The following TBCK variants were observed in gnomAD, a reference collection of about 807,000 sequenced individuals.
TBCK encodes TBC domain-containing protein kinase-like protein.
Under a neutral mutation model 113.4 loss-of-function variants are expected in TBCK, and 99 were observed. The ratio of observed to expected loss-of-function variants is 0.87; its 90% CI spans 0.74 to 1.03. TBCK has a LOEUF of 1.03. Ranked by LOEUF, TBCK falls within the 50% of genes least tolerant of loss-of-function variation. TBCK has a pLI of 0.00. For missense variants in TBCK, 1,045 were observed against 1,061.3 expected, an observed-to-expected ratio of 0.98 and a Z score of 0.21; for synonymous variants, 369 against 370.8, an observed-to-expected ratio of 1.00 and a Z score of 0.05.
At chr4:106,130,969 A>G (rs931679169) in intron 23 of TBCK, among the ~76,000 whole-genome samples, 1 of 152,182 alleles carries the variant, frequency 6.6e-6, no homozygotes, top group Non-Finnish European at 1.5e-5. Context: ...TATTATCTTT[A>G]AATTCAGATT....
intron 25 of TBCK, among the ~76,000 whole-genome samples, chr4:106,062,328 A>C (rs553666730): frequency 1.1e-4 from 16 of 151,880 alleles, no homozygotes; most frequent in Non-Finnish European, 2.1e-4. Flanking sequence ...TCTTCTGATA[A>C]AATTCCATCA....
chr4:106,062,778 G>T (rs1485932554), intron 25 of TBCK, among the ~76,000 whole-genome samples: 1 of 151,870 alleles, frequency 6.6e-6, no homozygotes, highest in Admixed American at 6.6e-5. Flanking sequence ...GAGTGCCAAA[G>T]ATCACAAGAT....
In TBCK at chr4:106,235,293, G is replaced by C. The variant is rs760189355; in HGVS notation, c.1425C>G (p.Thr475=). 1 of 1,609,370 alleles carries C rather than the reference G, an allele frequency of 6.2e-7. No homozygotes were observed. Among genetic ancestry groups the C allele is most frequent in the Non-Finnish European group, 8.5e-7 (1 of 1,177,902 alleles). ...CCTCAACTCCCAGAAGAGCAGCCCA[G>C]GTTAAACCTCTCATAAGAGGAGGAA... ...VDIPPLMRGL[T]WAALLGVEGA... Residue 475 remains threonine, a synonymous_variant, in exon 15 of 26, where the codon ACC becomes ACG. Transcript: ENST00000394708.
intron 24 of TBCK, among the ~76,000 whole-genome samples, chr4:106,115,159 A>C (rs1743342658): frequency 6.6e-6 from 1 of 152,238 alleles, no homozygotes; most frequent in African/African-American, 2.4e-5. Context: ...AAATATTAAC[A>C]TGAAAACTTA....
chr4:106,181,246 T>G (rs532198588), intron 22 of TBCK, among the ~76,000 whole-genome samples: 43 of 152,334 alleles, frequency 2.8e-4, no homozygotes, highest in South Asian at 8.3e-4. Context: ...TTGTTTAAGT[T>G]CTTTATAGAT....
intron 23 of TBCK, among the ~76,000 whole-genome samples, chr4:106,130,018 A>T (rs1406609423): frequency 6.6e-6 from 1 of 152,166 alleles, no homozygotes; most frequent in Non-Finnish European, 1.5e-5. Context: ...TCTGGTAACC[A>T]CTTATTCCCT....
intron 4 of TBCK, among the ~76,000 whole-genome samples, chr4:106,261,493 T>C (rs1461725396): frequency 6.6e-6 from 1 of 152,106 alleles, no homozygotes; most frequent in Non-Finnish European, 1.5e-5. Flanking sequence ...CTCCAAGTTG[T>C]TTTTATGTAT....
intron 23 of TBCK, among the ~76,000 whole-genome samples, chr4:106,141,332 G>A (rs1421536582): frequency 2.9e-5 from 4 of 140,122 alleles, no homozygotes; most frequent in Admixed American, 7.0e-5. Flanking sequence ...AGTAATAATG[G>A]TAATGGTGAA....
chr4:106,151,065 T>C (rs1311155857), intron 23 of TBCK, among the ~76,000 whole-genome samples: 1 of 152,016 alleles, frequency 6.6e-6, no homozygotes, highest in Non-Finnish European at 1.5e-5. Context: ...TTTTTAATTT[T>C]TGTGAGTCCA....
chr4:106,275,415 G>A (rs1366746857), intron 3 of TBCK, among the ~76,000 whole-genome samples: 1 of 151,962 alleles, frequency 6.6e-6, no homozygotes, highest in Non-Finnish European at 1.5e-5. Context: ...TTGTAGTGGA[G>A]GTCCTATCTA....
rs1194821187 is a variant in TBCK at position 106,045,556 on chromosome 4, G to C, written c.*1014C>G. Reference sequence around the variant, plus strand: ...TATTTCCAGTTTTCCTTAAAGCTAGGTGTGGCCATGCACCCAAGTTCTGGC... The same window carrying C: ...TATTTCCAGTTTTCCTTAAAGCTAGCTGTGGCCATGCACCCAAGTTCTGGC... On this transcript the variant is annotated 3_prime_UTR_variant, in exon 26 of 26. Transcript: ENST00000394708. 3.9e-5 allele frequency: 6 copies of C among 152,192 alleles called. No individual in the cohort carries two copies. The highest frequency in any genetic ancestry group is 1.2e-4 in the African/African-American group (5 of 41,448). The allele number at this position is 152,192 out of a possible 1,614,324, so 9.4% of individuals were successfully genotyped here.
At chr4:106,234,038 C>T (rs901296499) in intron 15 of TBCK, among the ~76,000 whole-genome samples, 2 of 152,024 alleles carry the variant, frequency 1.3e-5, no homozygotes, top group African/African-American at 4.8e-5. Flanking sequence ...GTCATTTACG[C>T]TTTTCAGTTA....
At position 106,294,416 on chromosome 4, in the gene TBCK, A is replaced by G. The variant is rs539580163; in HGVS notation, c.266+678T>C. Among the ~76,000 whole-genome samples, 11 of 151,972 alleles carry G rather than the reference A, an allele frequency of 7.2e-5. No homozygotes were observed. In the South Asian group the frequency reaches 1.0e-3, roughly 14 times the overall value. ...GGTGAGGCGGGTGGATCACAAGGCC[A>G]GGAGTTTGAGACCAGCCTGGCCAAC... is the stretch of plus-strand genomic sequence containing the variant. On this transcript the variant is annotated intron_variant, in intron 3 of 25. Coordinates refer to ENST00000394708, the MANE Select transcript of TBCK (RefSeq NM_001163435.3).
intron 23 of TBCK, among the ~76,000 whole-genome samples, chr4:106,134,026 CA>C (rs546489016): frequency 1.4e-4 from 17 of 118,610 alleles, no homozygotes; most frequent in South Asian, 9.1e-4. Context: ...AAAACAAAAA[CA>C]AAAAAAAAAA....
intron 19 of TBCK, among the ~76,000 whole-genome samples, chr4:106,218,039 G>C (rs1360066794): frequency 1.4e-5 from 2 of 143,994 alleles, no homozygotes; most frequent in African/African-American, 2.6e-5. Context: ...CAATGGAACA[G>C]AATAGAGCCC....
In TBCK at chr4:106,125,037, C is replaced by G. The variant is rs1354089175; in HGVS notation, c.2236-8659G>C. Among the ~76,000 whole-genome samples the G allele has an allele frequency of 2.6e-5, 4 of 151,156 alleles. No homozygotes were observed. In the East Asian group the frequency reaches 7.7e-4, roughly 29 times the overall value. The stretch of plus-strand genomic sequence containing the variant: ...AAAACACAATGTGATATCATCTCAC[C>G]TGGGTTAAAATTGCCGTTATCAAAA... On this transcript the variant is annotated intron_variant, in intron 23 of 25. Transcript: ENST00000394708.
At chr4:106,298,389 C>T (rs554899753) in intron 2 of TBCK, among the ~76,000 whole-genome samples, 2 of 151,386 alleles carry the variant, frequency 1.3e-5, no homozygotes, top group Non-Finnish European at 2.9e-5. Context: ...AGGCGGATCA[C>T]GAGGTCAGGA....
chr4:106,100,107 T>C (rs1233862871), intron 24 of TBCK, among the ~76,000 whole-genome samples: 1 of 152,222 alleles, frequency 6.6e-6, no homozygotes, highest in Non-Finnish European at 1.5e-5. Flanking sequence ...CCATGAAAGT[T>C]TCCCTTCCCA....
At chr4:106,146,494 G>A (rs1358822394) in intron 23 of TBCK, among the ~76,000 whole-genome samples, 2 of 152,174 alleles carry the variant, frequency 1.3e-5, no homozygotes, top group Non-Finnish European at 2.9e-5. Context: ...ATTGGGTACT[G>A]AGCTCAATAC....
Sources: gnomAD v4.1 joint callset for allele counts (sites outside exome capture counted in the v4.1 genomes callset) on GRCh38, gnomAD v4.1.1 for gene constraint, MANE v1.5 for transcripts, NCBI Gene and HGNC (gene_info 2026-07-23, HGNC 2026-07-21) for gene names.